The following BCR variants were observed in gnomAD, a reference collection of about 807,000 sequenced individuals.
BCR encodes BCR activator of RhoGEF and GTPase.
Under a neutral mutation model 138.6 loss-of-function variants are expected in BCR, and 58 were observed. The ratio of observed to expected loss-of-function variants is 0.42; its 90% CI spans 0.34 to 0.52. The LOEUF (loss-of-function observed/expected upper bound fraction) is 0.52. Among genes scored for constraint, BCR ranks in the 20% least tolerant of loss-of-function variants. The probability of loss-of-function intolerance (pLI) is 0.06; values close to 1 mark genes in which losing one functional copy is unlikely to be tolerated. For synonymous variants in BCR, 786 were observed against 730.1 expected (o/e 1.08, Z -1.23); for missense variants, 1,599 against 1,727.2 (o/e 0.93, Z 1.32).
At chr22:23,303,497 ATGCATGGTCCATGTGGCAGAG>A (rs1412029912) in intron 16 of BCR, among the ~76,000 whole-genome samples, 1 of 152,252 alleles carries the variant, frequency 6.6e-6, no homozygotes, top group Non-Finnish European at 1.5e-5. Flanking sequence ...TGAATGAGAC[ATGCATGGTCCATGTGGCAGAG>A]GCACCAATAG....
At chr22:23,230,988 A>G (rs1038719086) in intron 1 of BCR, among the ~76,000 whole-genome samples, 9 of 152,136 alleles carry the variant, frequency 5.9e-5, no homozygotes, top group African/African-American at 1.9e-4. Flanking sequence ...CACCCTCACC[A>G]TGCACCAGGC....
intron 1 of BCR, among the ~76,000 whole-genome samples, chr22:23,230,103 A>G (rs950244340): frequency 6.8e-6 from 1 of 147,370 alleles, no homozygotes; most frequent in Non-Finnish European, 1.5e-5. Flanking sequence ...AAGCTACTCT[A>G]GTGCCCATGC....
chr22:23,193,376 G>C (rs2072438951), intron 1 of BCR, among the ~76,000 whole-genome samples: 1 of 152,228 alleles, frequency 6.6e-6, no homozygotes, highest in Non-Finnish European at 1.5e-5. Flanking sequence ...CTTCCCCTTG[G>C]GGGCTTCGTG....
At chr22:23,267,284 C>G (rs957068675) in intron 4 of BCR, among the ~76,000 whole-genome samples, 1 of 151,946 alleles carries the variant, frequency 6.6e-6, no homozygotes, top group Non-Finnish European at 1.5e-5. Context: ...GAGGAAGAAC[C>G]TAGAATTGGA....
rs774451417 is a variant in BCR at position 23,285,165 on chromosome 22, G to C, written c.2370G>C (p.Lys790Asn). 6 of 1,613,688 alleles carry C rather than the reference G, an allele frequency of 3.7e-6. No individual in the cohort carries two copies. The South Asian group carries it at 6.6e-5, about 18-fold the overall frequency. The change falls in exon 10 of 23, where the codon AAG becomes AAC. Residue 790 changes from lysine (K) to asparagine (N), a missense_variant. Physicochemically the swap from Lys to Asn is moderately conservative, Grantham distance 94. This residue lies in a region of BCR where 590 missense variants were observed against 762.4 expected (regional missense o/e 0.77). Coordinates refer to ENST00000305877, the MANE Select transcript of BCR (RefSeq NM_004327.4). ...PDEELDALKI[K>N]ISQIKNDIQR... Reference sequence around the variant, plus strand: ...AGGAGCTGGACGCTTTGAAGATCAAGATCTCCCAGATCAAGAATGACATCC... The same window carrying C: ...AGGAGCTGGACGCTTTGAAGATCAACATCTCCCAGATCAAGAATGACATCC...
intron 1 of BCR, among the ~76,000 whole-genome samples, chr22:23,228,799 G>GC (rs769635358): frequency 1.2e-4 from 18 of 151,762 alleles, no homozygotes; most frequent in Non-Finnish European, 2.5e-4. Flanking sequence ...CTTTAACTTT[G>GC]GTTTTCTGTG....
intron 1 of BCR, chr22:23,217,088 C>G (rs2072763444): frequency 2.3e-6 from 1 of 443,550 alleles, no homozygotes; most frequent in African/African-American, 2.0e-5. Context: ...GGTGATTGCT[C>G]CCACCACAGG....
chr22:23,207,677 A>G (rs1358534004), intron 1 of BCR, among the ~76,000 whole-genome samples: 3 of 152,128 alleles, frequency 2.0e-5, no homozygotes, highest in African/African-American at 7.2e-5. Context: ...GGAGGAGGAG[A>G]GGCCTTCTAA....
intron 1 of BCR, among the ~76,000 whole-genome samples, chr22:23,234,437 C>T (rs984754434): frequency 4.6e-5 from 7 of 152,158 alleles, no homozygotes; most frequent in African/African-American, 1.7e-4. Flanking sequence ...GACTCCAGCC[C>T]GTCCTAAGGA....
chr22:23,237,525 G>A (rs187188524), intron 1 of BCR, among the ~76,000 whole-genome samples: 8 of 152,342 alleles, frequency 5.3e-5, no homozygotes, highest in Non-Finnish European at 8.8e-5. Context: ...CTTGCATCTG[G>A]ACAGAGAGAT....
intron 8 of BCR, among the ~76,000 whole-genome samples, chr22:23,277,771 A>G (rs2073596008): frequency 1.3e-5 from 2 of 152,056 alleles, no homozygotes; most frequent in African/African-American, 4.8e-5. Context: ...TGGCTCCTAT[A>G]ATCTCATTGC....
intron 1 of BCR, among the ~76,000 whole-genome samples, chr22:23,248,348 C>CA (rs55944854): frequency 0.019 from 2,108 of 113,708 alleles, 27 homozygotes; most frequent in African/African-American, 0.052. Flanking sequence ...GACTCCATCT[C>CA]AAAAAAAAAA....
chr22:23,241,274 C>T (rs1203530243), intron 1 of BCR, among the ~76,000 whole-genome samples: 4 of 152,236 alleles, frequency 2.6e-5, no homozygotes, highest in African/African-American at 7.2e-5. Context: ...TGGCTGGGCC[C>T]TGGCCCCGGG....
chr22:23,235,233 A>T (rs1369189417), intron 1 of BCR, among the ~76,000 whole-genome samples: 1 of 144,116 alleles, frequency 6.9e-6, no homozygotes, highest in Admixed American at 7.0e-5. Context: ...GATTACAGGC[A>T]TGCACCCAGC....
rs536728060 is a variant in BCR at position 23,282,059 on chromosome 22, C to T, written c.2116-1918C>T. Among the ~76,000 whole-genome samples, 17 of 152,312 alleles carry T rather than the reference C, an allele frequency of 1.1e-4. No individual in the cohort carries two copies. The South Asian group carries it at 2.7e-3, about 24-fold the overall frequency. On this transcript the variant is annotated intron_variant, in intron 8 of 22. Transcript: ENST00000305877. ...TATGGAGAAGGCTGCCATCCAGCCC[C>T]GCCACTGCCCCAGAAGGAAGGCGCC...
At chr22:23,203,865 C>T (rs954398106) in intron 1 of BCR, among the ~76,000 whole-genome samples, 3 of 152,192 alleles carry the variant, frequency 2.0e-5, no homozygotes, top group Admixed American at 6.5e-5. Flanking sequence ...TCCTGCTTGG[C>T]TTTCATTGAA....
At chr22:23,241,461 C>T (rs1266383676) in intron 1 of BCR, among the ~76,000 whole-genome samples, 6 of 152,064 alleles carry the variant, frequency 3.9e-5, no homozygotes, top group Non-Finnish European at 8.8e-5. Context: ...GGACTCCCTC[C>T]AGTCACTTTC....
intron 15 of BCR, 105 bp from the exon 16 acceptor site, chr22:23,294,919 T>C: frequency 6.9e-7 from 1 of 1,447,086 alleles, no homozygotes; most frequent in East Asian, 2.3e-5. Flanking sequence ...TTGGTCCCTC[T>C]GGGCCAGCAA....
chr22:23,188,192 G>A (rs972298153), intron 1 of BCR, among the ~76,000 whole-genome samples: 1 of 152,148 alleles, frequency 6.6e-6, no homozygotes, highest in African/African-American at 2.4e-5. Flanking sequence ...GTCTGAGGCC[G>A]CTAAAGGCAT....
Sources: gnomAD v4.1 joint callset for allele counts (sites outside exome capture counted in the v4.1 genomes callset) on GRCh38, gnomAD v4.1.1 for gene constraint, gnomAD v4.1.1 regional missense constraint, MANE v1.5 for transcripts, NCBI Gene and HGNC (gene_info 2026-07-23, HGNC 2026-07-21) for gene names.